Variants in L3HYPDH observed in about 807,000 individuals in gnomAD.
L3HYPDH encodes the protein trans-L-3-hydroxyproline dehydratase.
In L3HYPDH, 32 loss-of-function variants were observed where a neutral mutation model predicts 26.5. The ratio of observed to expected loss-of-function variants is 1.21; its 90% CI spans 0.91 to 1.62. The LOEUF (loss-of-function observed/expected upper bound fraction) is 1.62. Among genes scored for constraint, L3HYPDH ranks in the 40% most tolerant of loss-of-function variants. The pLI is 0.00. For missense variants in L3HYPDH, 554 were observed against 476.4 expected, an observed-to-expected ratio of 1.16 and a Z score of -1.52; for synonymous variants, 215 against 196.6, an observed-to-expected ratio of 1.09 and a Z score of -0.78.
In L3HYPDH at chr14:59,484,310, T is replaced by G. The variant is rs1011124811; in HGVS notation, c.7A>C (p.Ser3Arg). Residue 3 changes from serine (S) to arginine (R), a missense_variant, in exon 1 of 5, where the codon AGC becomes CGC. Physicochemically the swap from Ser to Arg is moderately radical, Grantham distance 110. Transcript: ENST00000247194. ...GGCAGCCGGGGCACCGCCAGCGCGC[T>G]CTCCATGGTCTGCGTCGGGGGAGAC... is the stretch of plus-strand genomic sequence containing the variant. Reference protein sequence around the residue: MESALAVPRLPPH... With the variant: MERALAVPRLPPH... The G allele has an allele frequency of 6.3e-7, 1 of 1,585,502 alleles. No individual in the cohort carries two copies. Among genetic ancestry groups the G allele is most frequent in the Non-Finnish European group, 8.5e-7 (1 of 1,173,160 alleles).
upstream of L3HYPDH, chr14:59,485,228 A>G: frequency 8.5e-7 from 1 of 1,173,914 alleles, no homozygotes; most frequent in South Asian, 1.4e-5. Context: ...AGCATCTACT[A>G]GATGTAAAGC....
upstream of L3HYPDH, chr14:59,486,886 A>G: frequency 1.1e-6 from 1 of 944,318 alleles, no homozygotes; most frequent in Non-Finnish European, 1.6e-6. Context: ...ATTTTTTGTT[A>G]TTATACTCAT....
At chr14:59,503,753 A>G in the L3HYPDH span, 1 of 709,410 alleles carries the variant, frequency 1.4e-6, no homozygotes, top group Non-Finnish European at 2.3e-6. Context: ...TGATTCTGAG[A>G]TTATAAATAA....
Position 59,484,028 on chromosome 14 carries a change from T to A in L3HYPDH, c.289A>T (p.Asn97Tyr), listed in dbSNP as rs1477953304. 1.9e-6 allele frequency: 3 copies of A among 1,605,112 alleles called. No individual in the cohort carries two copies. The highest frequency in any genetic ancestry group is 2.5e-6 in the Non-Finnish European group (3 of 1,179,198). Residue 97 changes from asparagine to tyrosine, a missense_variant, in exon 1 of 5, where the codon AAC (asparagine) becomes TAC (tyrosine). Asn to Tyr is a moderately radical substitution (Grantham distance 143). Coordinates refer to ENST00000247194, the MANE Select transcript of L3HYPDH (RefSeq NM_144581.2). ...CCGCACATGGAGCTGTAGCCCTCGT[T>A]GTGCAGGAACAGGACGCCCAGATGC... Reference protein sequence around the residue: ...DAHLGVLFLHNEGYSSMCGHA... With the variant: ...DAHLGVLFLHYEGYSSMCGHA...
chr14:59,499,672 T>G, the L3HYPDH span, among the ~76,000 whole-genome samples: 1 of 152,156 alleles, frequency 6.6e-6, no homozygotes, highest in African/African-American at 2.4e-5. Flanking sequence ...TTGGACACCA[T>G]CCTTTATATG....
rs754788892 is a variant in L3HYPDH, at chr14:59,484,177, A to C, written c.140T>G (p.Leu47Arg). Residue 47 changes from leucine (L) to arginine (R), a missense_variant, in exon 1 of 5, where the codon CTG becomes CGG. Coordinates refer to ENST00000247194, the MANE Select transcript of L3HYPDH (RefSeq NM_144581.2). ...AGCPEVSGPT[L>R]LAKRRYMRQH... Reference sequence around the variant, plus strand: ...GCGCATGTAGCGCCGCTTGGCCAGCAGGGTGGGCCCAGACACCTCCGGACA... The same window carrying C: ...GCGCATGTAGCGCCGCTTGGCCAGCCGGGTGGGCCCAGACACCTCCGGACA... 4.1e-5 allele frequency: 65 copies of C among 1,599,676 alleles called. No homozygotes were observed. Among genetic ancestry groups the C allele is most frequent in the Non-Finnish European group, 5.4e-5 (64 of 1,179,588 alleles).
chr14:59,482,883 A>G (rs1890134394), intron 1 of L3HYPDH, among the ~76,000 whole-genome samples: 1 of 152,198 alleles, frequency 6.6e-6, no homozygotes, highest in Admixed American at 6.5e-5. Flanking sequence ...TCCAGTCACA[A>G]TGACTAAAGC....
At chr14:59,495,284 A>G in the L3HYPDH span, 2 of 1,330,014 alleles carry the variant, frequency 1.5e-6, no homozygotes, top group Non-Finnish European at 1.1e-6. Context: ...GGATTATTAT[A>G]GATTTTATGG....
chr14:59,488,046 G>A (rs1010169472), upstream of L3HYPDH, among the ~76,000 whole-genome samples: 1 of 152,086 alleles, frequency 6.6e-6, no homozygotes, highest in Non-Finnish European at 1.5e-5. Context: ...TACTCTCAGT[G>A]ATCTTGAAGG....
At chr14:59,473,929 G>C (rs1889444588) in intron 4 of L3HYPDH, among the ~76,000 whole-genome samples, 1 of 152,158 alleles carries the variant, frequency 6.6e-6, no homozygotes, top group South Asian at 2.1e-4. Flanking sequence ...CACAGACAGG[G>C]AGAGAGCATG....
Position 59,484,235 on chromosome 14 carries a change from C to A in L3HYPDH, c.82G>T (p.Gly28Cys). 6.3e-7 allele frequency: 1 copy of A among 1,598,336 alleles called. No homozygotes were observed. The highest frequency in any genetic ancestry group is 1.1e-5 in the South Asian group (1 of 91,054). Residue 28 changes from glycine to cysteine, a missense_variant, in exon 1 of 5, where the codon GGC (glycine) becomes TGC (cysteine). Transcript: ENST00000247194. ...PVLSVVDMHTGGEPLRIVLAG... is the reference protein window; with the variant it reads ...PVLSVVDMHTCGEPLRIVLAG... ...AGCACGATACGCAAGGGCTCGCCGCCCGTGTGCATGTCCACCACCGACAGC... is the reference window on the plus strand; with the variant it reads ...AGCACGATACGCAAGGGCTCGCCGCACGTGTGCATGTCCACCACCGACAGC...
At chr14:59,486,823 T>A (rs1483452877), upstream of L3HYPDH, 2 of 1,404,926 alleles carry the variant, frequency 1.4e-6, no homozygotes, top group Admixed American at 4.3e-5. Context: ...TATGTTTGTA[T>A]CTTATTTCAT....
At chr14:59,484,730 C>G, upstream of L3HYPDH, 1 of 1,160,048 alleles carries the variant, frequency 8.6e-7, no homozygotes, top group Non-Finnish European at 1.2e-6. Flanking sequence ...CGCCCGCCCT[C>G]GGGCCGGGCT....
intron 1 of L3HYPDH, among the ~76,000 whole-genome samples, chr14:59,467,187 G>T (rs1889212558): frequency 6.6e-6 from 1 of 152,164 alleles, no homozygotes; most frequent in Non-Finnish European, 1.5e-5. Flanking sequence ...CAAAGACTTT[G>T]TACAAGAGGT....
upstream of L3HYPDH, chr14:59,484,750 T>C (rs1594925744): frequency 9.5e-7 from 1 of 1,047,240 alleles, no homozygotes; most frequent in Non-Finnish European, 1.4e-6. Context: ...TCCGCACTCC[T>C]GCGGGGTTGG....
chr14:59,504,158 A>G, the L3HYPDH span: 22 of 752,144 alleles, frequency 2.9e-5, no homozygotes, highest in Admixed American at 7.4e-5. Flanking sequence ...GAACTATTCT[A>G]TCATATATGG....
chr14:59,484,400 C>T lies in L3HYPDH; in HGVS notation c.-84G>A. On this transcript the variant is annotated 5_prime_UTR_variant, in exon 1 of 5. Coordinates refer to ENST00000247194, the MANE Select transcript of L3HYPDH (RefSeq NM_144581.2). Reference sequence around the variant, plus strand: ...ACCCACTGACTCCGCGGGAGGAGGGCGGGACGCTAACCAGCCACGTCCGGG... The same window carrying T: ...ACCCACTGACTCCGCGGGAGGAGGGTGGGACGCTAACCAGCCACGTCCGGG... 6.9e-7 allele frequency: 1 copy of T among 1,448,382 alleles called. No individual in the cohort carries two copies. Among genetic ancestry groups the T allele is most frequent in the Non-Finnish European group, 9.3e-7 (1 of 1,069,844 alleles). 89.7% of individuals were successfully genotyped at this position (1,448,382 alleles called of 1,614,324 possible). A position where few individuals can be genotyped will look rare whatever the true frequency, so the allele number is the denominator to read the frequency against.
the L3HYPDH span, among the ~76,000 whole-genome samples, chr14:59,501,653 A>G: frequency 6.6e-6 from 1 of 152,222 alleles, no homozygotes; most frequent in Non-Finnish European, 1.5e-5. Flanking sequence ...GGCAACATTA[A>G]TAGTCATCAG....
rs899179657 is a variant in L3HYPDH, at chr14:59,483,378, C to A, written c.508+431G>T. ...AAGTGGGGGAGGTGAGGAAAGGAGA[C>A]CAGGTTTAGTAACTTATTAAGTGTG... On this transcript the variant is annotated intron_variant, in intron 1 of 4. Transcript: ENST00000247194. 6.6e-5 allele frequency: 22 copies of A among 334,336 alleles called. 1 individual carries two copies. Among genetic ancestry groups the A allele is most frequent in the Non-Finnish European group, 9.7e-5 (22 of 226,822 alleles). The allele number at this position is 334,336 out of a possible 1,614,324, so 20.7% of individuals were successfully genotyped here. A position where few individuals can be genotyped will look rare whatever the true frequency, so the allele number is the denominator to read the frequency against.
Sources: allele counts gnomAD v4.1 joint callset (sites outside exome capture counted in the v4.1 genomes callset), GRCh38; gene constraint gnomAD v4.1.1; transcripts MANE v1.5; gene names NCBI Gene and HGNC (gene_info 2026-07-23, HGNC 2026-07-21).